The following RARA variants were observed in gnomAD, a reference collection of about 807,000 sequenced individuals.
The protein encoded by RARA is PML-DDX5-RARA fusion.
Under a neutral mutation model 42.8 loss-of-function variants are expected in RARA, and 5 were observed. The ratio of observed to expected loss-of-function variants is 0.12; its 90% CI spans 0.06 to 0.25. The LOEUF is 0.25. Among genes scored for constraint, RARA ranks in the 10% least tolerant of loss-of-function variants. The probability of loss-of-function intolerance (pLI) is 1.00; values close to 1 mark genes in which losing one functional copy is unlikely to be tolerated. For missense variants in RARA, 402 were observed against 628.7 expected (o/e 0.64, Z 3.86); for synonymous variants, 256 against 259.5 (o/e 0.99, Z 0.13).
intron 1 of RARA, among the ~76,000 whole-genome samples, chr17:40,318,958 G>A (rs1264011989): frequency 6.6e-6 from 1 of 152,240 alleles, no homozygotes; most frequent in Non-Finnish European, 1.5e-5. Context: ...GTGGAGTGAG[G>A]GGAACCGTCA....
At chr17:40,315,563 AG>A (rs2033196306) in intron 1 of RARA, among the ~76,000 whole-genome samples, 2 of 151,900 alleles carry the variant, frequency 1.3e-5, no homozygotes, top group Non-Finnish European at 2.9e-5. Context: ...AGTCAGCTGG[AG>A]CTGGTTCCAA....
At chr17:40,328,012 A>G (rs1054625028) in intron 1 of RARA, among the ~76,000 whole-genome samples, 2 of 152,158 alleles carry the variant, frequency 1.3e-5, no homozygotes, top group South Asian at 2.1e-4. Flanking sequence ...GAGAGGCCCT[A>G]TGATTGTCAT....
intron 2 of RARA, chr17:40,342,439 G>A: frequency 3.3e-6 from 4 of 1,201,842 alleles, no homozygotes; most frequent in Non-Finnish European, 4.1e-6. Flanking sequence ...GAGTTCCCGG[G>A]CCCCGCCAGG....
chr17:40,334,740 T>C (rs2033795450), intron 2 of RARA, among the ~76,000 whole-genome samples: 1 of 152,138 alleles, frequency 6.6e-6, no homozygotes, highest in African/African-American at 2.4e-5. Flanking sequence ...GGCTTCCTAC[T>C]CCCATTCCCC....
In RARA at chr17:40,344,587, A is replaced by T. The variant is rs369979829; in HGVS notation, c.179-3729A>T. Among the ~76,000 whole-genome samples the T allele has an allele frequency of 7.9e-5, 12 of 152,242 alleles. No homozygotes were observed. The East Asian group carries it at 2.1e-3, about 27-fold the overall frequency. On this transcript the variant is annotated intron_variant, in intron 2 of 8. Transcript: ENST00000254066. ...CTGGAGAGGGAGGAGGATCACAGAG[A>T]GTAGGACAGGCAGTGTATTGGTGAG...
chr17:40,332,197 G>A (rs1384156952), intron 2 of RARA, among the ~76,000 whole-genome samples: 3 of 152,086 alleles, frequency 2.0e-5, no homozygotes, highest in Admixed American at 1.3e-4. Flanking sequence ...CTGCCAGGCC[G>A]CTTACAGTAA....
chr17:40,334,562 C>T (rs937216186), intron 2 of RARA, among the ~76,000 whole-genome samples: 2 of 152,194 alleles, frequency 1.3e-5, no homozygotes, highest in African/African-American at 4.8e-5. Flanking sequence ...CATGCCTGGC[C>T]TCAGAGATGG....
At chr17:40,350,764 G>A (rs2034418128) in intron 4 of RARA, among the ~76,000 whole-genome samples, 1 of 152,028 alleles carries the variant, frequency 6.6e-6, no homozygotes, top group Non-Finnish European at 1.5e-5. Flanking sequence ...CAGGAATGGA[G>A]GGGACTGGAG....
rs1445777844 is a variant in RARA, at chr17:40,352,114, C to T, written c.630+44C>T. The T allele has an allele frequency of 2.0e-6, 3 of 1,507,864 alleles. No individual in the cohort carries two copies. Among genetic ancestry groups the T allele is most frequent in the South Asian group, 2.6e-5 (2 of 76,734 alleles). 93.4% of individuals were successfully genotyped at this position (1,507,864 alleles called of 1,614,324 possible). A position where few individuals can be genotyped will look rare whatever the true frequency, so the allele number is the denominator to read the frequency against. ...CTGCAGGGTGGGATTTGCCCAGGGC[C>T]ACAGGGCCAGGATGGGCCCCTCTCA... On this transcript the variant is annotated intron_variant, in intron 5 of 8. Transcript: ENST00000254066. The surrounding 1 kb of genome is among the most constrained non-coding windows in gnomAD (Gnocchi z 4.9).
chr17:40,322,219 T>C (rs1290348340), intron 1 of RARA, among the ~76,000 whole-genome samples: 1 of 151,718 alleles, frequency 6.6e-6, no homozygotes, highest in Non-Finnish European at 1.5e-5. Flanking sequence ...TGCCCTCGTC[T>C]GGGCGGGCAC....
At chr17:40,325,301 AG>A in intron 1 of RARA, among the ~76,000 whole-genome samples, 1 of 152,028 alleles carries the variant, frequency 6.6e-6, no homozygotes, top group Non-Finnish European at 1.5e-5. Context: ...ATAAATAAAA[AG>A]AGGCTGGGCT....
chr17:40,311,266 C>T (rs2033090626), intron 1 of RARA, among the ~76,000 whole-genome samples: 1 of 152,078 alleles, frequency 6.6e-6, no homozygotes. Context: ...GCCCCTGGCA[C>T]TGCCCCGGCC....
intron 1 of RARA, among the ~76,000 whole-genome samples, chr17:40,312,563 A>T (rs2033117838): frequency 6.6e-6 from 1 of 152,192 alleles, no homozygotes; most frequent in African/African-American, 2.4e-5. Context: ...GGGCTGGCCA[A>T]GGTGAGGGTA....
At position 40,320,842 on chromosome 17, in the gene RARA, C is replaced by T. The variant is rs1436838816; in HGVS notation, c.-362-10015C>T. ...TAATCCTGTCCCTGCGACAAATAAG[C>T]GGGGTAATCTCCGCTTGCTCAGTAC... On this transcript the variant is annotated intron_variant, in intron 1 of 8. Coordinates refer to ENST00000254066, the MANE Select transcript of RARA (RefSeq NM_000964.4). The surrounding 1 kb of genome is among the most constrained non-coding windows in gnomAD (Gnocchi z 4.1). 1.3e-5 allele frequency among the ~76,000 whole-genome samples: 2 copies of T among 152,130 alleles called. No homozygotes were observed. Among genetic ancestry groups the T allele is most frequent in the African/African-American group, 4.8e-5 (2 of 41,418 alleles).
At chr17:40,322,800 A>G (rs2033428626) in intron 1 of RARA, among the ~76,000 whole-genome samples, 1 of 152,078 alleles carries the variant, frequency 6.6e-6, no homozygotes, top group Non-Finnish European at 1.5e-5. Context: ...CCCACTGTGC[A>G]GATCAAGGAG....
chr17:40,334,684 T>C (rs1451695696), intron 2 of RARA, among the ~76,000 whole-genome samples: 3 of 152,194 alleles, frequency 2.0e-5, no homozygotes, highest in African/African-American at 7.2e-5. Flanking sequence ...AGCAGTGGTA[T>C]GCCCCAGTCT....
At chr17:40,325,985 C>T (rs2033534790) in intron 1 of RARA, among the ~76,000 whole-genome samples, 2 of 152,186 alleles carry the variant, frequency 1.3e-5, no homozygotes, top group Admixed American at 1.3e-4. Context: ...CAAAGGTTTC[C>T]CTTTTTTGGT....
chr17:40,332,289 G>A (rs975628709), intron 2 of RARA, among the ~76,000 whole-genome samples: 1 of 152,112 alleles, frequency 6.6e-6, no homozygotes, highest in African/African-American at 2.4e-5. Context: ...GACGGGAGAG[G>A]GTGGAAGCAG....
chr17:40,338,179 G>A (rs1243389781), intron 2 of RARA, among the ~76,000 whole-genome samples: 1 of 152,236 alleles, frequency 6.6e-6, no homozygotes, highest in Non-Finnish European at 1.5e-5. Context: ...CCCATGCCAA[G>A]GGATGTGTTG....
Sources: allele counts gnomAD v4.1 joint callset (sites outside exome capture counted in the v4.1 genomes callset), GRCh38; gene constraint gnomAD v4.1.1; non-coding constraint Gnocchi (gnomAD v3.1); transcripts MANE v1.5; gene names NCBI Gene and HGNC (gene_info 2026-07-23, HGNC 2026-07-21).